KHDRBS2: variants seen among roughly 807,000 people sequenced by gnomAD.
KHDRBS2 encodes the protein KH RNA binding domain containing, signal transduction associated 2.
In KHDRBS2, 26 loss-of-function variants were observed where a neutral mutation model predicts 44.3. That is an observed-to-expected ratio of 0.59 (90% CI 0.43 to 0.81). The LOEUF is 0.81. Ranked by LOEUF, KHDRBS2 falls within the 40% of genes least tolerant of loss-of-function variation. The pLI, the probability that KHDRBS2 is intolerant of heterozygous loss-of-function variation, is 0.00. For missense variants in KHDRBS2, 476 were observed against 433.1 expected (o/e 1.10, Z -0.88); for synonymous variants, 194 against 151.1 (o/e 1.28, Z -2.08).
At chr6:61,955,936 G>A (rs890842653) in intron 4 of KHDRBS2, among the ~76,000 whole-genome samples, 1 of 152,080 alleles carries the variant, frequency 6.6e-6, no homozygotes, top group Non-Finnish European at 1.5e-5. Context: ...CAGCTAGTAA[G>A]CAAAGGAGCA....
At chr6:61,759,017 A>G (rs928610987) in intron 6 of KHDRBS2, among the ~76,000 whole-genome samples, 5 of 152,150 alleles carry the variant, frequency 3.3e-5, no homozygotes, top group African/African-American at 7.2e-5. Flanking sequence ...CAAAGAATTT[A>G]TGTGGCATAG....
intron 1 of KHDRBS2, among the ~76,000 whole-genome samples, chr6:62,200,477 A>G (rs547155463): frequency 3.2e-4 from 49 of 152,360 alleles, no homozygotes; most frequent in African/African-American, 1.1e-3. Flanking sequence ...CAAAAGACAC[A>G]TGAAAAATGC....
chr6:62,094,764 ATTC>A (rs938516790), intron 2 of KHDRBS2, among the ~76,000 whole-genome samples: 2 of 151,806 alleles, frequency 1.3e-5, no homozygotes, highest in African/African-American at 4.8e-5. Context: ...ATCTAGTTTG[ATTC>A]TTCTGCATGT....
chr6:61,564,098 T>C, the KHDRBS2 span, among the ~76,000 whole-genome samples: 6 of 152,142 alleles, frequency 3.9e-5, no homozygotes, highest in Non-Finnish European at 4.4e-5. Context: ...TAGTTGTCTC[T>C]GTTAAATGCC....
the KHDRBS2 span, among the ~76,000 whole-genome samples, chr6:61,566,526 G>A: frequency 1.1e-4 from 17 of 152,134 alleles, no homozygotes; most frequent in African/African-American, 4.1e-4. Flanking sequence ...TAATTATTAT[G>A]TAATCATGAT....
intron 6 of KHDRBS2, among the ~76,000 whole-genome samples, chr6:61,744,518 G>GCT (rs1336198058): frequency 6.6e-6 from 1 of 152,118 alleles, no homozygotes; most frequent in Non-Finnish European, 1.5e-5. Flanking sequence ...GCACAAGGAT[G>GCT]CTCAGGATCC....
chr6:61,872,034 T>C (rs1337778121), intron 6 of KHDRBS2, among the ~76,000 whole-genome samples: 1 of 152,076 alleles, frequency 6.6e-6, no homozygotes, highest in Non-Finnish European at 1.5e-5. Flanking sequence ...ATGGTGCGTG[T>C]ATGCCTGTGT....
intron 6 of KHDRBS2, among the ~76,000 whole-genome samples, chr6:61,760,279 A>T (rs1203499461): frequency 6.6e-6 from 1 of 152,192 alleles, no homozygotes; most frequent in African/African-American, 2.4e-5. Flanking sequence ...ACAAGGCCCC[A>T]AATTGTTATT....
intron 8 of KHDRBS2, among the ~76,000 whole-genome samples, chr6:61,695,722 AAT>A (rs1767830979): frequency 6.6e-6 from 1 of 152,168 alleles, no homozygotes; most frequent in African/African-American, 2.4e-5. Flanking sequence ...ATCTGTAACT[AAT>A]CAGCCCATGG....
At chr6:62,109,701 A>T (rs1804544099) in intron 2 of KHDRBS2, among the ~76,000 whole-genome samples, 1 of 151,848 alleles carries the variant, frequency 6.6e-6, no homozygotes, top group South Asian at 2.1e-4. Flanking sequence ...TAGTCTTTTT[A>T]AAAGGTTTTA....
intron 7 of KHDRBS2, among the ~76,000 whole-genome samples, chr6:61,722,012 C>G (rs909517182): frequency 6.6e-6 from 1 of 150,696 alleles, no homozygotes; most frequent in Non-Finnish European, 1.5e-5. Flanking sequence ...TTGTCAAAGG[C>G]CTTTTCTGCA....
intron 3 of KHDRBS2, among the ~76,000 whole-genome samples, chr6:62,010,526 G>T (rs1780105314): frequency 6.6e-6 from 1 of 152,080 alleles, no homozygotes; most frequent in Non-Finnish European, 1.5e-5. Context: ...GAATAATATG[G>T]TCTAGCTCTG....
At chr6:61,864,981 T>G (rs561738416) in intron 6 of KHDRBS2, among the ~76,000 whole-genome samples, 1 of 152,344 alleles carries the variant, frequency 6.6e-6, no homozygotes, top group African/African-American at 2.4e-5. Context: ...CTTTTCATTC[T>G]TTTTAACTGT....
At chr6:62,180,489 C>T (rs1585088655) in intron 1 of KHDRBS2, among the ~76,000 whole-genome samples, 1 of 151,690 alleles carries the variant, frequency 6.6e-6, no homozygotes, top group South Asian at 2.1e-4. Flanking sequence ...CTTAGTTAAG[C>T]TGGTTAACGA....
At chr6:61,756,728 GT>G (rs1256416327) in intron 6 of KHDRBS2, among the ~76,000 whole-genome samples, 7 of 152,196 alleles carry the variant, frequency 4.6e-5, no homozygotes, top group African/African-American at 1.7e-4. Flanking sequence ...CATTTTTCAA[GT>G]GTACAATTTG....
intron 6 of KHDRBS2, among the ~76,000 whole-genome samples, chr6:61,854,790 G>A (rs928157719): frequency 6.6e-6 from 1 of 152,066 alleles, no homozygotes; most frequent in Admixed American, 6.6e-5. Flanking sequence ...TAATGAAAAA[G>A]GTAAAATACA....
At chr6:61,764,265 C>T (rs1415872503) in intron 6 of KHDRBS2, among the ~76,000 whole-genome samples, 2 of 152,116 alleles carry the variant, frequency 1.3e-5, no homozygotes, top group African/African-American at 4.8e-5. Context: ...CATATCCTTG[C>T]TATTGTGAAT....
At chr6:61,580,025 C>T in the KHDRBS2 span, among the ~76,000 whole-genome samples, 4 of 152,068 alleles carry the variant, frequency 2.6e-5, no homozygotes, top group Non-Finnish European at 5.9e-5. Context: ...CCATCGCACT[C>T]CAGCCTGGGC....
the KHDRBS2 span, among the ~76,000 whole-genome samples, chr6:61,637,288 T>G: frequency 3.9e-4 from 60 of 152,008 alleles, no homozygotes; most frequent in African/African-American, 1.0e-3. Context: ...GCGGTGTTTG[T>G]TTTTTTGTTC....
Sources: allele counts gnomAD v4.1 joint callset (sites outside exome capture counted in the v4.1 genomes callset), GRCh38; gene constraint gnomAD v4.1.1; transcripts MANE v1.5; gene names NCBI Gene and HGNC (gene_info 2026-07-23, HGNC 2026-07-21).